DOCK1: variants seen among roughly 807,000 people sequenced by gnomAD.
DOCK1 encodes the protein dedicator of cytokinesis 1.
A neutral mutation model predicts 262.7 loss-of-function variants in DOCK1; 138 were observed. That is an observed-to-expected ratio of 0.53 (90% CI 0.46 to 0.61). DOCK1 has a LOEUF of 0.61. DOCK1 is among the 20% of genes least tolerant of loss of function. The pLI is 0.00. For missense variants in DOCK1, 1,908 were observed against 2,370.7 expected, an observed-to-expected ratio of 0.80 and a Z score of 4.05; for synonymous variants, 866 against 867.4, an observed-to-expected ratio of 1.00 and a Z score of 0.03.
chr10:126,918,873 G>A (rs187840979), intron 1 of DOCK1, among the ~76,000 whole-genome samples: 1 of 151,924 alleles, frequency 6.6e-6, no homozygotes, highest in Admixed American at 6.5e-5. Context: ...TGGTCTGGCA[G>A]GGTGTGCAGG....
chr10:127,344,898 A>G (rs1260388762), intron 31 of DOCK1, among the ~76,000 whole-genome samples: 1 of 152,208 alleles, frequency 6.6e-6, no homozygotes, highest in Non-Finnish European at 1.5e-5. Flanking sequence ...AGAAAGAATT[A>G]TAGTCACGTA....
Position 127,396,496 on chromosome 10 carries a change from T to C in DOCK1, c.3928-6559T>C, listed in dbSNP as rs530864566. Among the ~76,000 whole-genome samples, 4 of 152,304 alleles carry C rather than the reference T, an allele frequency of 2.6e-5. No homozygotes were observed. The South Asian group carries it at 6.2e-4, about 24-fold the overall frequency. The stretch of plus-strand genomic sequence containing the variant: ...CAGCCACTGCCCATTTCTCCTCCTC[T>C]TTCTACAACACTCCGTAAAGGATGG... On this transcript the variant is annotated intron_variant, in intron 38 of 51. Transcript: ENST00000623213.
chr10:127,234,438 A>G (rs955320623), intron 27 of DOCK1, among the ~76,000 whole-genome samples: 2 of 152,172 alleles, frequency 1.3e-5, no homozygotes, highest in African/African-American at 4.8e-5. Context: ...CCTCCAAAAG[A>G]CACAAAAATA....
chr10:127,450,952 C>G (rs566527649), intron 51 of DOCK1, among the ~76,000 whole-genome samples: 1 of 152,280 alleles, frequency 6.6e-6, no homozygotes, highest in Admixed American at 6.5e-5. Flanking sequence ...TTGCCCGAAG[C>G]TCAGAAAGCA....
Position 127,402,088 on chromosome 10 carries a change from A to G in DOCK1, c.3928-967A>G, listed in dbSNP as rs987120363. On this transcript the variant is annotated intron_variant, in intron 38 of 51. Coordinates refer to ENST00000623213, the MANE Select transcript of DOCK1 (RefSeq NM_001290223.2). ...AACTCAGCATCCTGCAGTTCTGTTC[A>G]CTAAACCTTGTTAAGCAGGCCCTGG... 1.4e-4 allele frequency among the ~76,000 whole-genome samples: 21 copies of G among 152,322 alleles called. 1 individual carries two copies. The highest frequency in any genetic ancestry group is 5.0e-4 in the African/African-American group (21 of 41,586).
chr10:127,293,183 C>T (rs985458246), intron 29 of DOCK1, among the ~76,000 whole-genome samples: 4 of 152,132 alleles, frequency 2.6e-5, no homozygotes, highest in African/African-American at 9.7e-5. Context: ...GCGTCAAGGA[C>T]GTTGAGCTCC....
intron 4 of DOCK1, 100 bp downstream of exon 4, chr10:126,982,073 G>A (rs2039024319): frequency 7.9e-7 from 1 of 1,272,832 alleles, no homozygotes; most frequent in Admixed American, 2.2e-5. Context: ...TCAAGACAAT[G>A]GGTGTGATTG....
At chr10:127,434,941 C>T (rs1363442149) in intron 48 of DOCK1, among the ~76,000 whole-genome samples, 36 of 152,120 alleles carry the variant, frequency 2.4e-4, no homozygotes, top group Admixed American at 1.7e-3. Context: ...TGTGAGCCAC[C>T]GCGCCTGGCC....
intron 29 of DOCK1, among the ~76,000 whole-genome samples, chr10:127,257,959 G>T (rs1229139102): frequency 1.3e-5 from 2 of 152,138 alleles, no homozygotes; most frequent in Non-Finnish European, 2.9e-5. Context: ...CACTAACAAT[G>T]ACCATAGAAT....
chr10:127,073,248 C>T (rs540978343), intron 23 of DOCK1, among the ~76,000 whole-genome samples: 8 of 152,334 alleles, frequency 5.3e-5, no homozygotes, highest in African/African-American at 1.4e-4. Context: ...TCTACAGATT[C>T]ACTGCAGTCC....
At chr10:127,416,296 G>A (rs186354105) in intron 44 of DOCK1, among the ~76,000 whole-genome samples, 1 of 152,364 alleles carries the variant, frequency 6.6e-6, no homozygotes, top group Admixed American at 6.5e-5. Context: ...TATGTGTCAG[G>A]TGGTAAAAAT....
rs1242472422 is a variant in DOCK1, at chr10:127,374,304, A to G, written c.3675+90A>G. 3.5e-6 allele frequency: 5 copies of G among 1,437,068 alleles called. No individual in the cohort carries two copies. The East Asian group carries it at 1.2e-4, about 36-fold the overall frequency. The allele number at this position is 1,437,068 out of a possible 1,614,324, so 89.0% of individuals were successfully genotyped here. ...GCCCCAGCCCTTATCTATGACAGTC[A>G]GCCACGAAGCTTTCCACCGCAGAAC... On this transcript the variant is annotated intron_variant, in intron 35 of 51. Coordinates refer to ENST00000623213, the MANE Select transcript of DOCK1 (RefSeq NM_001290223.2).
At chr10:127,235,913 T>C (rs767883208) in intron 27 of DOCK1, among the ~76,000 whole-genome samples, 3 of 152,176 alleles carry the variant, frequency 2.0e-5, no homozygotes, top group Non-Finnish European at 4.4e-5. Context: ...GCCATTTGTG[T>C]TCCTTTTTTG....
rs570745324 is a variant in DOCK1, at chr10:127,083,724, A to G, written c.2445+21948A>G. 1.3e-3 allele frequency among the ~76,000 whole-genome samples: 192 copies of G among 152,352 alleles called. 2 individuals carry two copies. The highest frequency in any genetic ancestry group is 4.4e-3 in the African/African-American group (182 of 41,590). Reference sequence around the variant, plus strand: ...CCAACAAATTCCTGCGATACAGGGAAGAAAAAGAAAAACCCATTAAAATTT... The same window carrying G: ...CCAACAAATTCCTGCGATACAGGGAGGAAAAAGAAAAACCCATTAAAATTT... On this transcript the variant is annotated intron_variant, in intron 23 of 51. Transcript: ENST00000623213.
chr10:127,175,631 G>A lies in DOCK1; in HGVS notation c.2847+47867G>A, dbSNP rs754378814. ...TGGCACTGAGGGCAGGTGCGTAAACGGTGGCAACCTCCGTTTTAAACACCC... is the reference window on the plus strand; with the variant it reads ...TGGCACTGAGGGCAGGTGCGTAAACAGTGGCAACCTCCGTTTTAAACACCC... On this transcript the variant is annotated intron_variant, in intron 27 of 51. Coordinates refer to ENST00000623213, the MANE Select transcript of DOCK1 (RefSeq NM_001290223.2). This position sits in a 1 kb window ranked among gnomAD's most constrained non-coding sequence, Gnocchi z 6.3. The A allele has an allele frequency of 1.4e-5, 23 of 1,613,066 alleles. No individual in the cohort carries two copies. Among genetic ancestry groups the A allele is most frequent in the South Asian group, 2.2e-5 (2 of 91,086 alleles).
At chr10:127,334,922 A>G (rs1473814273) in intron 29 of DOCK1, among the ~76,000 whole-genome samples, 1 of 152,134 alleles carries the variant, frequency 6.6e-6, no homozygotes, top group African/African-American at 2.4e-5. Context: ...AAGAACCTGA[A>G]GAGAGCTGAA....
intron 27 of DOCK1, among the ~76,000 whole-genome samples, chr10:127,161,037 G>T (rs1001103130): frequency 6.6e-6 from 1 of 152,162 alleles, no homozygotes; most frequent in East Asian, 1.9e-4. Context: ...TAAAGGCACT[G>T]TTTTCAGTGA....
chr10:127,321,456 C>T (rs1414529522), intron 29 of DOCK1, among the ~76,000 whole-genome samples: 1 of 150,156 alleles, frequency 6.7e-6, no homozygotes, highest in Non-Finnish European at 1.5e-5. Context: ...TAAAATCTCT[C>T]TTCAGTGCTC....
intron 23 of DOCK1, 55 bp from the exon 24 acceptor site, chr10:127,106,176 T>A: frequency 6.5e-7 from 1 of 1,530,276 alleles, no homozygotes; most frequent in South Asian, 1.2e-5. Flanking sequence ...TACAAATTGG[T>A]ATGAACACTC....
Sources: allele counts gnomAD v4.1 joint callset (sites outside exome capture counted in the v4.1 genomes callset), GRCh38; gene constraint gnomAD v4.1.1; non-coding constraint Gnocchi (gnomAD v3.1); transcripts MANE v1.5; gene names NCBI Gene and HGNC (gene_info 2026-07-23, HGNC 2026-07-21).